CADPS2: variants seen among roughly 807,000 people sequenced by gnomAD.
The protein encoded by CADPS2 is calcium-dependent secretion activator 2.
A neutral mutation model predicts 172.5 loss-of-function variants in CADPS2; 93 were observed. That is an observed-to-expected ratio of 0.54 (90% CI 0.46 to 0.64). The LOEUF is 0.64. Among genes scored for constraint, CADPS2 ranks in the 30% least tolerant of loss-of-function variants. The pLI, the probability that CADPS2 is intolerant of heterozygous loss-of-function variation, is 0.00. For missense variants in CADPS2, 1,420 were observed against 1,565.9 expected (o/e 0.91, Z 1.57); for synonymous variants, 546 against 555.2 (o/e 0.98, Z 0.23).
intron 6 of CADPS2, among the ~76,000 whole-genome samples, chr7:122,589,272 C>T (rs951792029): frequency 6.6e-6 from 1 of 151,726 alleles, no homozygotes; most frequent in African/African-American, 2.4e-5. Context: ...ATGTAACAAC[C>T]TCTGAAAATT....
At position 122,697,895 on chromosome 7, in the gene CADPS2, G is replaced by C. The variant is rs762687585; in HGVS notation, c.454-34326C>G. On this transcript the variant is annotated intron_variant, in intron 2 of 29. Transcript: ENST00000449022. ...ATTACTTTATCTGAGGTTCCTGCAG[G>C]AGAAACTTCATTATTTGTCTCCTCT... The C allele has an allele frequency of 1.2e-6, 2 of 1,613,680 alleles. No homozygotes were observed. The highest frequency in any genetic ancestry group is 4.5e-5 in the East Asian group (2 of 44,858).
intron 1 of CADPS2, among the ~76,000 whole-genome samples, chr7:122,873,287 A>G (rs1490693077): frequency 1.3e-5 from 2 of 152,094 alleles, no homozygotes; most frequent in Admixed American, 6.6e-5. Flanking sequence ...TATGTCATCT[A>G]CATTAGGTAT....
intron 15 of CADPS2, among the ~76,000 whole-genome samples, chr7:122,443,347 G>A (rs756575536): frequency 1.2e-4 from 18 of 152,298 alleles, no homozygotes; most frequent in Non-Finnish European, 1.6e-4. Context: ...AAGAAGAGAA[G>A]CATTTTGTTC....
intron 8 of CADPS2, among the ~76,000 whole-genome samples, chr7:122,544,999 G>A (rs1269378030): frequency 6.6e-6 from 1 of 152,124 alleles, no homozygotes; most frequent in African/African-American, 2.4e-5. Context: ...CCATTCTTCT[G>A]GTGTCTGTAG....
rs1307722534 is a variant in CADPS2, at chr7:122,829,745, G to A, written c.339+56254C>T. ...GTGTCTTTTAAGAAAACATTCAGAA[G>A]TAAAAATAAAACCTCTATGTTATAA... On this transcript the variant is annotated intron_variant, in intron 1 of 29. Transcript: ENST00000449022. 2.0e-5 allele frequency among the ~76,000 whole-genome samples: 3 copies of A among 151,478 alleles called. No homozygotes were observed. In the East Asian group the frequency reaches 5.8e-4, roughly 29 times the overall value.
chr7:122,387,555 T>C (rs1239003438), intron 23 of CADPS2, among the ~76,000 whole-genome samples: 1 of 152,102 alleles, frequency 6.6e-6, no homozygotes, highest in African/African-American at 2.4e-5. Flanking sequence ...AAGCAGAATA[T>C]ATCCTCTATG....
intron 14 of CADPS2, among the ~76,000 whole-genome samples, chr7:122,466,986 T>C (rs2055229584): frequency 1.3e-5 from 2 of 152,192 alleles, no homozygotes; most frequent in African/African-American, 4.8e-5. Context: ...GTATTGAACT[T>C]GAGGTTGGGT....
At chr7:122,780,741 C>T (rs1792480485) in intron 1 of CADPS2, among the ~76,000 whole-genome samples, 1 of 152,166 alleles carries the variant, frequency 6.6e-6, no homozygotes, top group Admixed American at 6.6e-5. Flanking sequence ...CTCCTGGGCA[C>T]AAGCAGTTCT....
intron 25 of CADPS2, among the ~76,000 whole-genome samples, chr7:122,369,126 T>TC (rs2041378702): frequency 1.9e-4 from 11 of 58,856 alleles, no homozygotes; most frequent in East Asian, 1.0e-3. Flanking sequence ...GAATTTTTGT[T>TC]TCCCCCCCCC....
chr7:122,676,438 C>T, intron 2 of CADPS2: 1 of 368,604 alleles, frequency 2.7e-6, no homozygotes, highest in Non-Finnish European at 4.8e-6. Context: ...GTTTGCTTAC[C>T]CTTCAACTTT....
At chr7:122,502,246 C>A (rs2059264766) in intron 9 of CADPS2, among the ~76,000 whole-genome samples, 1 of 152,066 alleles carries the variant, frequency 6.6e-6, no homozygotes, top group Non-Finnish European at 1.5e-5. Flanking sequence ...AAATTGTAAT[C>A]TTTGGAGGTA....
intron 1 of CADPS2, among the ~76,000 whole-genome samples, chr7:122,762,029 TACA>T (rs2093403808): frequency 8.0e-6 from 1 of 124,272 alleles, no homozygotes; most frequent in African/African-American, 3.2e-5. Flanking sequence ...TATATATATA[TACA>T]CACACACACA....
At chr7:122,638,910 T>C (rs2077330065) in intron 3 of CADPS2, among the ~76,000 whole-genome samples, 1 of 152,234 alleles carries the variant, frequency 6.6e-6, no homozygotes, top group Non-Finnish European at 1.5e-5. Flanking sequence ...TGTTTACTCG[T>C]CACTATTTCC....
chr7:122,820,126 T>C (rs1802706973), intron 1 of CADPS2, among the ~76,000 whole-genome samples: 1 of 152,114 alleles, frequency 6.6e-6, no homozygotes, highest in Admixed American at 6.6e-5. Flanking sequence ...TACTCTCCTA[T>C]CCTCAATACC....
At position 122,325,566 on chromosome 7, in the gene CADPS2, A is replaced by T. The variant is rs1227867884; in HGVS notation, c.3628T>A (p.Ser1210Thr). The change falls in exon 29 of 30, where the codon TCC (serine) becomes ACC (threonine). Residue 1210 changes from serine (S) to threonine (T), a missense_variant. Physicochemically the swap from Ser to Thr is moderately conservative, Grantham distance 58. Coordinates refer to ENST00000449022, the MANE Select transcript of CADPS2 (RefSeq NM_017954.11). Reference sequence around the variant, plus strand: ...AACCACACGCAAATGACTTTCATGGAACTGCTGTACCATTGCTAGAAGGGA... The same window carrying T: ...AACCACACGCAAATGACTTTCATGGTACTGCTGTACCATTGCTAGAAGGGA... ...EKLFDQWYSSSMKVICVWLTD... is the reference protein window; with the variant it reads ...EKLFDQWYSSTMKVICVWLTD... 6.2e-7 allele frequency: 1 copy of T among 1,608,458 alleles called. No homozygotes were observed. The highest frequency in any genetic ancestry group is 8.5e-7 in the Non-Finnish European group (1 of 1,176,448).
intron 20 of CADPS2, among the ~76,000 whole-genome samples, chr7:122,402,138 C>A (rs1373168119): frequency 6.6e-6 from 1 of 152,178 alleles, no homozygotes; most frequent in East Asian, 1.9e-4. Context: ...TCCTAACATA[C>A]ATGCTGAGAC....
chr7:122,724,300 C>T (rs1005204954), intron 2 of CADPS2, among the ~76,000 whole-genome samples: 7 of 151,940 alleles, frequency 4.6e-5, no homozygotes, highest in African/African-American at 1.7e-4. Flanking sequence ...GGGCATAGGG[C>T]AATACCTGAC....
intron 5 of CADPS2, among the ~76,000 whole-genome samples, chr7:122,618,662 T>C (rs755755663): frequency 5.9e-5 from 9 of 152,318 alleles, no homozygotes; most frequent in East Asian, 1.9e-4. Context: ...GAGCTTTAAA[T>C]TGATTTAACT....
chr7:122,549,811 A>T (rs1032025735), intron 8 of CADPS2, among the ~76,000 whole-genome samples: 1 of 152,090 alleles, frequency 6.6e-6, no homozygotes, highest in South Asian at 2.1e-4. Flanking sequence ...TATTTTAGAC[A>T]AGGACACAGG....
Sources: gnomAD v4.1 joint callset for allele counts (sites outside exome capture counted in the v4.1 genomes callset) on GRCh38, gnomAD v4.1.1 for gene constraint, MANE v1.5 for transcripts, NCBI Gene and HGNC (gene_info 2026-07-23, HGNC 2026-07-21) for gene names.